PXDNL: variants seen among roughly 807,000 people sequenced by gnomAD.
PXDNL encodes probable oxidoreductase PXDNL.
A neutral mutation model predicts 150.8 loss-of-function variants in PXDNL; 145 were observed. That is an observed-to-expected ratio of 0.96 (90% confidence interval 0.84 to 1.10). The LOEUF is 1.10. Among genes scored for constraint, PXDNL ranks in the 50% least tolerant of loss-of-function variants. The pLI, the probability that PXDNL is intolerant of heterozygous loss-of-function variation, is 0.00. For missense variants in PXDNL, 2,087 were observed against 1,873.9 expected (o/e 1.11, Z -2.10); for synonymous variants, 757 against 725.7 (o/e 1.04, Z -0.69).
At chr8:51,602,109 T>A (rs1813736873) in intron 2 of PXDNL, among the ~76,000 whole-genome samples, 1 of 151,992 alleles carries the variant, frequency 6.6e-6, no homozygotes, top group African/African-American at 2.4e-5. Context: ...GTATGTGATT[T>A]TTTTTTTCTT....
At chr8:51,459,187 T>C (rs1810007807) in intron 8 of PXDNL, among the ~76,000 whole-genome samples, 1 of 152,226 alleles carries the variant, frequency 6.6e-6, no homozygotes, top group Non-Finnish European at 1.5e-5. Flanking sequence ...CCCAGCACTT[T>C]GGGAGGCCAA....
chr8:51,377,227 TAG>T (rs1807349931), intron 17 of PXDNL, among the ~76,000 whole-genome samples: 1 of 151,138 alleles, frequency 6.6e-6, no homozygotes, highest in African/African-American at 2.4e-5. Flanking sequence ...CTTGACAACT[TAG>T]TACTTGGTGC....
chr8:51,348,778 C>G lies in PXDNL; in HGVS notation c.3902-2831G>C, dbSNP rs183317572. 6.6e-5 allele frequency among the ~76,000 whole-genome samples: 10 copies of G among 152,152 alleles called. No individual in the cohort carries two copies. The East Asian group carries it at 7.7e-4, about 12-fold the overall frequency. ...TCAATATTATCTTCCCTATTGTTAA[C>G]CTGAGGCACAGAAAGATTATATTAT... On this transcript the variant is annotated intron_variant, in intron 19 of 22. Transcript: ENST00000356297.
chr8:51,333,094 C>G (rs979478327), intron 21 of PXDNL, among the ~76,000 whole-genome samples: 1 of 152,138 alleles, frequency 6.6e-6, no homozygotes, highest in Admixed American at 6.5e-5. Context: ...GACAGAAGCA[C>G]CAGGTAACCT....
intron 1 of PXDNL, among the ~76,000 whole-genome samples, chr8:51,702,367 G>T (rs192969080): frequency 1.1e-3 from 163 of 152,252 alleles, no homozygotes; most frequent in Non-Finnish European, 1.8e-3. Context: ...GAAATTTAGG[G>T]TAAGAATTGA....
intron 17 of PXDNL, among the ~76,000 whole-genome samples, chr8:51,407,407 C>T (rs1586079468): frequency 6.6e-6 from 1 of 152,220 alleles, no homozygotes; most frequent in Middle Eastern, 3.4e-3. Flanking sequence ...CTATATTTAA[C>T]CTACTACAGA....
At chr8:51,738,759 A>T (rs767778431) in intron 1 of PXDNL, among the ~76,000 whole-genome samples, 2 of 152,222 alleles carry the variant, frequency 1.3e-5, no homozygotes, top group African/African-American at 2.4e-5. Context: ...GAAATTCTCA[A>T]AAATGAAATA....
intron 4 of PXDNL, among the ~76,000 whole-genome samples, chr8:51,504,069 C>T (rs562719895): frequency 1.3e-5 from 2 of 152,226 alleles, no homozygotes; most frequent in Admixed American, 1.3e-4. Flanking sequence ...GTCTCCCTCA[C>T]TCCCTGTATC....
chr8:51,808,368 TGTC>T (rs1193016768), intron 1 of PXDNL, among the ~76,000 whole-genome samples: 5 of 152,234 alleles, frequency 3.3e-5, no homozygotes, highest in South Asian at 2.1e-4. Flanking sequence ...TTTTTGAATT[TGTC>T]GTCTTTTTCT....
At chr8:51,350,365 T>TTTTTTTTTTTTTTTTC (rs1806309971) in intron 19 of PXDNL, among the ~76,000 whole-genome samples, 1 of 144,478 alleles carries the variant, frequency 6.9e-6, no homozygotes, top group Non-Finnish European at 1.5e-5. Flanking sequence ...TTTTTTTTTT[T>TTTTTTTTTTTTTTTTC]TTTTTTTTTT....
chr8:51,579,181 G>A (rs1813153338), intron 3 of PXDNL, among the ~76,000 whole-genome samples: 1 of 151,896 alleles, frequency 6.6e-6, no homozygotes, highest in South Asian at 2.1e-4. Context: ...GTTACAGACT[G>A]GAAGAAAATA....
At chr8:51,335,295 A>G (rs1244049198) in intron 21 of PXDNL, among the ~76,000 whole-genome samples, 1 of 152,118 alleles carries the variant, frequency 6.6e-6, no homozygotes, top group Non-Finnish European at 1.5e-5. Context: ...TCTTTCCTGG[A>G]TCTCTTTCCC....
chr8:51,786,984 C>T (rs1159686571), intron 1 of PXDNL, among the ~76,000 whole-genome samples: 3 of 151,462 alleles, frequency 2.0e-5, no homozygotes, highest in Non-Finnish European at 2.9e-5. Flanking sequence ...AAGAATGATG[C>T]TAAATCTACT....
chr8:51,728,189 A>G (rs1563302149), intron 1 of PXDNL, among the ~76,000 whole-genome samples: 1 of 152,240 alleles, frequency 6.6e-6, no homozygotes, highest in South Asian at 2.1e-4. Flanking sequence ...GTTTGTGGTT[A>G]TGATGATGTA....
chr8:51,717,540 T>G (rs1816638943), intron 1 of PXDNL, among the ~76,000 whole-genome samples: 1 of 152,206 alleles, frequency 6.6e-6, no homozygotes, highest in South Asian at 2.1e-4. Flanking sequence ...ATCTCTAGTG[T>G]GGGCTTCCCA....
intron 3 of PXDNL, among the ~76,000 whole-genome samples, chr8:51,572,333 CCA>C (rs1435332407): frequency 4.6e-5 from 7 of 151,738 alleles, no homozygotes; most frequent in Non-Finnish European, 5.9e-5. Flanking sequence ...AACAGATATA[CCA>C]CACTTAAGCA....
rs558992909 is a variant in PXDNL, at chr8:51,542,372, A to T, written c.380+14468T>A. ...TATGGACTGAATGTTTATGTTCCAT[A>T]CAATTCATATGTTGAAATCTTAACC... is the stretch of plus-strand genomic sequence containing the variant. On this transcript the variant is annotated intron_variant, in intron 4 of 22. Transcript: ENST00000356297. 2.6e-5 allele frequency among the ~76,000 whole-genome samples: 4 copies of T among 152,164 alleles called. No homozygotes were observed. In the South Asian group the frequency reaches 8.3e-4, roughly 32 times the overall value.
intron 19 of PXDNL, among the ~76,000 whole-genome samples, chr8:51,360,421 A>T (rs944865438): frequency 6.6e-6 from 1 of 152,204 alleles, no homozygotes; most frequent in Non-Finnish European, 1.5e-5. Context: ...ACATGCATGT[A>T]TCATACGTGC....
At chr8:51,664,173 G>T (rs947342120) in intron 1 of PXDNL, among the ~76,000 whole-genome samples, 1 of 152,076 alleles carries the variant, frequency 6.6e-6, no homozygotes, top group Non-Finnish European at 1.5e-5. Flanking sequence ...ATTCATTGGC[G>T]TGTGAAAATA....
Sources: gnomAD v4.1 joint callset for allele counts (sites outside exome capture counted in the v4.1 genomes callset) on GRCh38, gnomAD v4.1.1 for gene constraint, MANE v1.5 for transcripts, NCBI Gene and HGNC (gene_info 2026-07-23, HGNC 2026-07-21) for gene names.